The following SIRPA variants were observed in gnomAD, a reference collection of about 807,000 sequenced individuals.
SIRPA encodes tyrosine-protein phosphatase non-receptor type substrate 1.
In SIRPA, 9 loss-of-function variants were observed where a neutral mutation model predicts 50.3. The ratio of observed to expected loss-of-function variants is 0.18; its 90% CI spans 0.11 to 0.31. SIRPA has a LOEUF of 0.31. Ranked by LOEUF, SIRPA falls within the 10% of genes least tolerant of loss-of-function variation. The pLI, the probability that SIRPA is intolerant of heterozygous loss-of-function variation, is 1.00. For missense variants in SIRPA, 474 were observed against 661.6 expected (o/e 0.72, Z 3.11); for synonymous variants, 265 against 284.1 (o/e 0.93, Z 0.68).
At position 1,936,238 on chromosome 20, in the gene SIRPA, G is replaced by A. The variant is rs781039473; in HGVS notation, c.1267-1082G>A. On this transcript the variant is annotated intron_variant, in intron 7 of 7. Transcript: ENST00000358771. This position sits in a 1 kb window ranked among gnomAD's most constrained non-coding sequence, Gnocchi z 4.2. ...GCAAAGTTTATCATTCATGATGGGC[G>A]CTTTTGAGGCGGCAGTGGCAGGTTG... Among the ~76,000 whole-genome samples the A allele has an allele frequency of 6.6e-6, 1 of 152,158 alleles. No individual in the cohort carries two copies. Among genetic ancestry groups the A allele is most frequent in the Non-Finnish European group, 1.5e-5 (1 of 68,026 alleles).
At chr20:1,905,341 C>G (rs1455416460) in intron 1 of SIRPA, among the ~76,000 whole-genome samples, 1 of 152,196 alleles carries the variant, frequency 6.6e-6, no homozygotes, top group Non-Finnish European at 1.5e-5. Flanking sequence ...GGGGTGGCTC[C>G]AGCCTCCAGT....
At position 1,924,720 on chromosome 20, in the gene SIRPA, T is replaced by C. The variant is rs1406731730; in HGVS notation, c.1088-44T>C. 1.9e-6 allele frequency: 3 copies of C among 1,553,462 alleles called. No homozygotes were observed. The highest frequency in any genetic ancestry group is 2.2e-5 in the South Asian group (2 of 89,808). On this transcript the variant is annotated intron_variant, in intron 4 of 7. Transcript: ENST00000358771. This position sits in a 1 kb window ranked among gnomAD's most constrained non-coding sequence, Gnocchi z 4.5. ...AGCAGTGGTGGGTTTGGTTTTCTGT[T>C]TTTAATCTGCATACGTGAAGCCTCT... is the stretch of plus-strand genomic sequence containing the variant.
chr20:1,914,904 C>T (rs1985140427), intron 1 of SIRPA, among the ~76,000 whole-genome samples, 195 bp from the exon 2 acceptor site: 1 of 152,180 alleles, frequency 6.6e-6, no homozygotes, highest in Admixed American at 6.5e-5. Flanking sequence ...TTCTGTGCCT[C>T]AGTGTCCCCA....
chr20:1,920,392 G>A (rs186285799), intron 2 of SIRPA, among the ~76,000 whole-genome samples: 155 of 152,344 alleles, frequency 1.0e-3, no homozygotes, highest in African/African-American at 3.6e-3. Context: ...CCTGGTGACT[G>A]CGATAGGAGG....
rs1986738999 is a variant in SIRPA, at chr20:1,938,839, C to G, written c.*1271C>G. On this transcript the variant is annotated 3_prime_UTR_variant, in exon 8 of 8. Transcript: ENST00000358771. ...GTGAAGATGACACCCCTCCCCACCA[C>G]CTCTCATAAGCACTTTAGGAACACA... 6.5e-6 allele frequency: 1 copy of G among 152,738 alleles called. No homozygotes were observed. The highest frequency in any genetic ancestry group is 1.5e-5 in the Non-Finnish European group (1 of 68,126). The allele number at this position is 152,738 out of a possible 1,614,324, so 9.5% of individuals were successfully genotyped here. A position where few individuals can be genotyped will look rare whatever the true frequency, so the allele number is the denominator to read the frequency against.
At chr20:1,903,617 G>A (rs1051126354) in intron 1 of SIRPA, among the ~76,000 whole-genome samples, 4 of 152,136 alleles carry the variant, frequency 2.6e-5, no homozygotes, top group African/African-American at 7.2e-5. Flanking sequence ...CCACTCTCCT[G>A]CCTCCTTGGG....
chr20:1,930,099 G>A (rs762576399), intron 6 of SIRPA, among the ~76,000 whole-genome samples: 1 of 152,160 alleles, frequency 6.6e-6, no homozygotes, highest in Non-Finnish European at 1.5e-5. Flanking sequence ...CTCCAGGGGT[G>A]GCAGGCACAG....
intron 7 of SIRPA, among the ~76,000 whole-genome samples, chr20:1,935,499 G>A (rs189831301): frequency 1.3e-3 from 191 of 152,364 alleles, no homozygotes; most frequent in African/African-American, 4.1e-3. Context: ...GGTGAAAGGC[G>A]CAGCATTTGT....
At chr20:1,894,879 G>A (rs1198741249), upstream of SIRPA, 3 of 147,274 alleles carry the variant, frequency 2.0e-5, no homozygotes, top group Non-Finnish European at 4.5e-5. This position sits in a 1 kb window ranked among gnomAD's most constrained non-coding sequence, Gnocchi z 4.0. Flanking sequence ...GAGGGGGTCG[G>A]GCTGCCGGGA....
intron 1 of SIRPA, among the ~76,000 whole-genome samples, chr20:1,901,251 G>A (rs1264563580): frequency 7.5e-6 from 1 of 132,656 alleles, no homozygotes; most frequent in African/African-American, 2.9e-5. Context: ...GCTCACTGCA[G>A]CCTCTGCCTC....
intron 2 of SIRPA, 135 bp from the exon 3 acceptor site, chr20:1,921,260 C>G: frequency 6.8e-7 from 1 of 1,472,856 alleles, no homozygotes; most frequent in South Asian, 1.3e-5. Flanking sequence ...AATAAGGACA[C>G]CGCCCTCATT....
chr20:1,901,234 G>A (rs1175830960), intron 1 of SIRPA, among the ~76,000 whole-genome samples: 3 of 132,874 alleles, frequency 2.3e-5, no homozygotes, highest in African/African-American at 5.7e-5. Context: ...GCAGTGGTGC[G>A]ACCTCGGCTC....
At chr20:1,901,909 G>A (rs1029758096) in intron 1 of SIRPA, among the ~76,000 whole-genome samples, 1 of 152,172 alleles carries the variant, frequency 6.6e-6, no homozygotes, top group Non-Finnish European at 1.5e-5. Context: ...GAGCAGGTGG[G>A]CGGTGATACC....
chr20:1,922,072 T>C (rs1349940420), intron 3 of SIRPA, among the ~76,000 whole-genome samples: 2 of 152,246 alleles, frequency 1.3e-5, no homozygotes, highest in Non-Finnish European at 2.9e-5. Flanking sequence ...GTGGTGCTTA[T>C]AGATTTCCCT....
chr20:1,906,566 TGTG>T (rs1442256337), intron 1 of SIRPA, among the ~76,000 whole-genome samples: 2 of 152,088 alleles, frequency 1.3e-5, no homozygotes, highest in Admixed American at 6.5e-5. Context: ...GCAAAGGTCA[TGTG>T]GTGAGTGGAG....
In SIRPA at chr20:1,932,001, G is replaced by T. The variant is rs180856130; in HGVS notation, c.1227-2714G>T. On this transcript the variant is annotated intron_variant, in intron 6 of 7. Transcript: ENST00000358771. This position sits in a 1 kb window ranked among gnomAD's most constrained non-coding sequence, Gnocchi z 6.0. Reference sequence around the variant, plus strand: ...GCCTTGAGCAGAGGGTTGCAAAGGGGAGCAGAAAAGGCCCACCCCTGGTCT... The same window carrying T: ...GCCTTGAGCAGAGGGTTGCAAAGGGTAGCAGAAAAGGCCCACCCCTGGTCT... Among the ~76,000 whole-genome samples the T allele has an allele frequency of 1.3e-3, 205 of 152,282 alleles. No individual in the cohort carries two copies. Among genetic ancestry groups the T allele is most frequent in the Admixed American group, 4.4e-3 (67 of 15,298 alleles).
Position 1,922,404 on chromosome 20 carries a change from A to C in SIRPA, c.846A>C (p.Arg282Ser), listed in dbSNP as rs1432410417. The C allele has an allele frequency of 1.9e-6, 3 of 1,614,114 alleles. No individual in the cohort carries two copies. The highest frequency in any genetic ancestry group is 2.5e-6 in the Non-Finnish European group (3 of 1,180,042). The change falls in exon 4 of 8, where the codon AGA becomes AGC. Residue 282 changes from arginine to serine, a missense_variant. Physicochemically the swap from Arg to Ser is moderately radical, Grantham distance 110 (BLOSUM62 -1). Coordinates refer to ENST00000358771, the MANE Select transcript of SIRPA (RefSeq NM_001040023.2). The stretch of plus-strand genomic sequence containing the variant: ...AGGTGAGGAAGTTCTACCCCCAGAG[A>C]CTACAGCTGACCTGGTTGGAGAATG... ...TCQVRKFYPQ[R>S]LQLTWLENGN...
chr20:1,896,161 G>A (rs1983801776), intron 1 of SIRPA, among the ~76,000 whole-genome samples: 2 of 152,208 alleles, frequency 1.3e-5, no homozygotes, highest in South Asian at 2.1e-4. Context: ...CCCTGTGGTT[G>A]CCAAAGCCTC....
In SIRPA at chr20:1,928,295, G is replaced by A. The variant is rs548497213; in HGVS notation, c.1226+396G>A. Among the ~76,000 whole-genome samples, 57 of 152,254 alleles carry A rather than the reference G, an allele frequency of 3.7e-4. No homozygotes were observed. The South Asian group carries it at 7.3e-3, about 19-fold the overall frequency. On this transcript the variant is annotated intron_variant, in intron 6 of 7. Transcript: ENST00000358771. This position sits in a 1 kb window ranked among gnomAD's most constrained non-coding sequence, Gnocchi z 4.9. ...GTAAATATTTATTGAGTACCTTGGCGTGCTGTGACCCTGGAATGCCGGGAT... is the reference window on the plus strand; with the variant it reads ...GTAAATATTTATTGAGTACCTTGGCATGCTGTGACCCTGGAATGCCGGGAT...
Sources: allele counts gnomAD v4.1 joint callset (sites outside exome capture counted in the v4.1 genomes callset), GRCh38; gene constraint gnomAD v4.1.1; non-coding constraint Gnocchi (gnomAD v3.1); transcripts MANE v1.5; gene names NCBI Gene and HGNC (gene_info 2026-07-23, HGNC 2026-07-21).